DLG2: variants seen among roughly 807,000 people sequenced by gnomAD.
DLG2 encodes discs large MAGUK scaffold protein 2.
In DLG2, 45 loss-of-function variants were observed where a neutral mutation model predicts 132.5. The observed-to-expected ratio is 0.34, with a 90% confidence interval of 0.27 to 0.44. DLG2 has a LOEUF of 0.44. Among genes scored for constraint, DLG2 ranks in the 20% least tolerant of loss-of-function variants. The probability of loss-of-function intolerance (pLI) is 1.00; values close to 1 mark genes in which losing one functional copy is unlikely to be tolerated. For missense variants in DLG2, 1,045 were observed against 1,196.9 expected (o/e 0.87, Z 1.87); for synonymous variants, 424 against 419.6 (o/e 1.01, Z -0.13).
At chr11:84,499,135 T>C (rs2099194475) in intron 7 of DLG2, among the ~76,000 whole-genome samples, 1 of 152,214 alleles carries the variant, frequency 6.6e-6, no homozygotes, top group Non-Finnish European at 1.5e-5. Flanking sequence ...AGAGCTGAAG[T>C]AGGGAATATC....
intron 6 of DLG2, among the ~76,000 whole-genome samples, chr11:84,819,235 T>A (rs182428291): frequency 3.3e-5 from 5 of 152,032 alleles, no homozygotes; most frequent in Non-Finnish European, 5.9e-5. Flanking sequence ...TCTACCTGAC[T>A]CTGAAGTCTA....
At chr11:83,832,751 A>C (rs2054928296) in intron 17 of DLG2, among the ~76,000 whole-genome samples, 1 of 152,210 alleles carries the variant, frequency 6.6e-6, no homozygotes, top group Non-Finnish European at 1.5e-5. Flanking sequence ...CAAATCTAAA[A>C]TAAAAGTTGA....
intron 21 of DLG2, among the ~76,000 whole-genome samples, chr11:83,499,614 C>G (rs2094337499): frequency 6.6e-6 from 1 of 150,930 alleles, no homozygotes; most frequent in Non-Finnish European, 1.5e-5. Flanking sequence ...ACCCTCTACA[C>G]TCTCCGTATT....
intron 2 of DLG2, among the ~76,000 whole-genome samples, chr11:85,601,815 C>G (rs1314991329): frequency 6.6e-6 from 1 of 152,186 alleles, no homozygotes; most frequent in Non-Finnish European, 1.5e-5. Context: ...TTAGTTCCCT[C>G]TAATTTCTCA....
Position 84,552,471 on chromosome 11 carries a change from C to G in DLG2, c.358-17740G>C, listed in dbSNP as rs73509158. ...TTGCCATGTCTTTAACGTCAAAGTT[C>G]AGTTAAGATGACAATCTTTCCAGGA... is the stretch of plus-strand genomic sequence containing the variant. On this transcript the variant is annotated intron_variant, in intron 6 of 27. Coordinates refer to ENST00000376104, the MANE Select transcript of DLG2 (RefSeq NM_001142699.3). Among the ~76,000 whole-genome samples the G allele has an allele frequency of 2.5e-3, 384 of 152,270 alleles. 1 individual carries two copies. The highest frequency in any genetic ancestry group is 8.9e-3 in the African/African-American group (371 of 41,546).
At chr11:84,447,849 TA>T (rs2099040045) in intron 7 of DLG2, among the ~76,000 whole-genome samples, 1 of 151,960 alleles carries the variant, frequency 6.6e-6, no homozygotes, top group South Asian at 2.1e-4. Flanking sequence ...AGCAGAAAAA[TA>T]GACTGATAAT....
At chr11:85,096,501 A>C (rs1280261964) in intron 6 of DLG2, among the ~76,000 whole-genome samples, 1 of 151,774 alleles carries the variant, frequency 6.6e-6, no homozygotes, top group Non-Finnish European at 1.5e-5. Flanking sequence ...CACCAGAAGG[A>C]AGAAACTCCA....
intron 5 of DLG2, among the ~76,000 whole-genome samples, chr11:85,122,670 C>T (rs1363845330): frequency 3.3e-5 from 5 of 151,886 alleles, no homozygotes. Flanking sequence ...AGTAGTTTCA[C>T]ACGGGGACTA....
At chr11:83,551,028 G>A (rs76389285) in intron 19 of DLG2, among the ~76,000 whole-genome samples, 2,448 of 152,176 alleles carry the variant, frequency 0.016, 66 homozygotes, top group African/African-American at 0.056. Flanking sequence ...ATCATGAGAT[G>A]GTAAACTCAG....
At chr11:85,266,601 A>C (rs1343289412) in intron 4 of DLG2, among the ~76,000 whole-genome samples, 2 of 150,858 alleles carry the variant, frequency 1.3e-5, no homozygotes, top group African/African-American at 5.0e-5. Context: ...CAGAACTTAA[A>C]GTATAATTTA....
In DLG2 at chr11:84,636,709, T is replaced by C. The variant is rs752193943; in HGVS notation, c.358-101978A>G. ...ATTAACATTTCTTAAGAAACTAATATAATGCTCTTTGCTATTATAAGGTAC... is the reference window on the plus strand; with the variant it reads ...ATTAACATTTCTTAAGAAACTAATACAATGCTCTTTGCTATTATAAGGTAC... On this transcript the variant is annotated intron_variant, in intron 6 of 27. Transcript: ENST00000376104. 9.8e-5 allele frequency among the ~76,000 whole-genome samples: 15 copies of C among 152,300 alleles called. No individual in the cohort carries two copies. In the East Asian group the frequency reaches 1.3e-3, roughly 14 times the overall value.
intron 7 of DLG2, among the ~76,000 whole-genome samples, chr11:84,260,900 C>CA (rs1160199626): frequency 2.6e-5 from 4 of 151,956 alleles, no homozygotes; most frequent in African/African-American, 9.7e-5. Flanking sequence ...GAAGATCCCA[C>CA]AAAAAATGGA....
At chr11:84,018,188 A>G (rs936014879) in intron 11 of DLG2, among the ~76,000 whole-genome samples, 3 of 151,956 alleles carry the variant, frequency 2.0e-5, no homozygotes, top group African/African-American at 7.2e-5. Flanking sequence ...CAGATATATT[A>G]AACTGCTAGG....
intron 6 of DLG2, among the ~76,000 whole-genome samples, chr11:85,018,383 G>A (rs886406460): frequency 3.3e-5 from 5 of 152,120 alleles, no homozygotes; most frequent in Admixed American, 2.0e-4. Context: ...TTTTAGTTCT[G>A]TTGTGGTAGG....
At chr11:84,135,551 T>C (rs2094570340) in intron 9 of DLG2, among the ~76,000 whole-genome samples, 1 of 152,000 alleles carries the variant, frequency 6.6e-6, no homozygotes, top group African/African-American at 2.4e-5. Flanking sequence ...CAAGTTCACA[T>C]ATGAAGTTTG....
intron 9 of DLG2, among the ~76,000 whole-genome samples, chr11:84,144,863 A>G (rs550076303): frequency 6.6e-6 from 1 of 152,304 alleles, no homozygotes; most frequent in Non-Finnish European, 1.5e-5. Context: ...AGAAATATAG[A>G]GCCAAAGCTG....
At chr11:84,825,482 A>G (rs2078221646) in intron 6 of DLG2, among the ~76,000 whole-genome samples, 1 of 151,962 alleles carries the variant, frequency 6.6e-6, no homozygotes, top group African/African-American at 2.4e-5. Flanking sequence ...GAACTATTTA[A>G]AAAATCCAAA....
rs146055099 is a variant in DLG2, at chr11:85,009,330, A to G, written c.357+102331T>C. ...AAAGTTCCAGTGAAATATCAAATCA[A>G]GAGCTATAAGAAATAAAATAAATGG... On this transcript the variant is annotated intron_variant, in intron 6 of 27. Coordinates refer to ENST00000376104, the MANE Select transcript of DLG2 (RefSeq NM_001142699.3). Among the ~76,000 whole-genome samples, 434 of 152,254 alleles carry G rather than the reference A, an allele frequency of 2.9e-3. 2 individuals are homozygous for G. Among genetic ancestry groups the G allele is most frequent in the African/African-American group, 0.01 (426 of 41,588 alleles).
chr11:83,549,464 A>G (rs1372958267), intron 19 of DLG2, among the ~76,000 whole-genome samples: 2 of 152,184 alleles, frequency 1.3e-5, no homozygotes, highest in African/African-American at 4.8e-5. Flanking sequence ...AGAGCATTTC[A>G]CATAATAACT....
Sources: gnomAD v4.1 joint callset for allele counts (sites outside exome capture counted in the v4.1 genomes callset) on GRCh38, gnomAD v4.1.1 for gene constraint, MANE v1.5 for transcripts, NCBI Gene and HGNC (gene_info 2026-07-23, HGNC 2026-07-21) for gene names.